The following ANK2 variants were observed in gnomAD, a reference collection of about 807,000 sequenced individuals.
ANK2 encodes the protein ankyrin 2.
ANK2 carries 83 observed loss-of-function variants against 360.5 expected under a neutral mutation model. The observed-to-expected ratio is 0.23, with a 90% CI of 0.19 to 0.28. The LOEUF (loss-of-function observed/expected upper bound fraction) is 0.28. Ranked by LOEUF, ANK2 falls within the 10% of genes least tolerant of loss-of-function variation. The pLI, the probability that ANK2 is intolerant of heterozygous loss-of-function variation, is 1.00. For synonymous variants in ANK2, 1,740 were observed against 1,759.5 expected (o/e 0.99, Z 0.28); for missense variants, 4,201 against 4,795.7 (o/e 0.88, Z 3.66).
rs139825326 is a variant in ANK2, at chr4:113,038,904, T to A, written c.21+134390T>A. 1.7e-4 allele frequency among the ~76,000 whole-genome samples: 26 copies of A among 152,160 alleles called. No homozygotes were observed. In the East Asian group the frequency reaches 5.0e-3, roughly 29 times the overall value. On this transcript the variant is annotated intron_variant, in intron 2 of 30. Coordinates refer to the ANK2 transcript ENST00000503271. Reference sequence around the variant, plus strand: ...CACAGTAGGAGTAGATCCTCCAGCCTGAGCTGCCCCAGCTGACACCACATG... The same window carrying A: ...CACAGTAGGAGTAGATCCTCCAGCCAGAGCTGCCCCAGCTGACACCACATG...
chr4:113,242,269 G>T (rs2153574571), intron 9 of ANK2, 60 bp downstream of exon 9: 1 of 1,441,664 alleles, frequency 6.9e-7, no homozygotes. Context: ...CCTCATAGAA[G>T]GCACCTCAAG....
chr4:113,111,947 G>T (rs1267692100), intron 1 of ANK2, among the ~76,000 whole-genome samples: 1 of 152,066 alleles, frequency 6.6e-6, no homozygotes, highest in African/African-American at 2.4e-5. Flanking sequence ...TGAGGACAAG[G>T]GTTTTGTCAT....
At chr4:113,145,781 T>C (rs1474497476) in intron 1 of ANK2, 24 of 1,233,986 alleles carry the variant, frequency 1.9e-5, no homozygotes, top group Admixed American at 2.7e-5. Context: ...TCTTGATGAA[T>C]TGCCCACATT....
chr4:112,841,319 G>T (rs1408849050), intron 1 of ANK2, among the ~76,000 whole-genome samples: 1 of 152,176 alleles, frequency 6.6e-6, no homozygotes, highest in Non-Finnish European at 1.5e-5. Flanking sequence ...CAGATTGGGT[G>T]TCTGAAGGCT....
At chr4:112,774,243 A>G in the ANK2 span, among the ~76,000 whole-genome samples, 3 of 149,910 alleles carry the variant, frequency 2.0e-5, no homozygotes, top group East Asian at 6.2e-4. Context: ...ATAACTAACT[A>G]CCGCTGGGCA....
the ANK2 span, among the ~76,000 whole-genome samples, chr4:112,769,777 C>T: frequency 6.6e-6 from 1 of 152,092 alleles, no homozygotes; most frequent in Non-Finnish European, 1.5e-5. Flanking sequence ...TCCAATCCAT[C>T]CTGAGATTGG....
the ANK2 span, among the ~76,000 whole-genome samples, chr4:112,739,459 C>G: frequency 2.1e-3 from 324 of 152,088 alleles, 2 homozygotes; most frequent in Non-Finnish European, 2.3e-3. Context: ...ACTAAAAATA[C>G]AAAAATTAGC....
intron 1 of ANK2, among the ~76,000 whole-genome samples, chr4:112,897,689 G>T (rs1322004359): frequency 1.3e-5 from 2 of 152,088 alleles, no homozygotes; most frequent in South Asian, 2.1e-4. Context: ...GCATCTGCTT[G>T]GTGAGTGGCT....
At chr4:112,867,904 C>T (rs1468450166) in intron 1 of ANK2, among the ~76,000 whole-genome samples, 1 of 152,060 alleles carries the variant, frequency 6.6e-6, no homozygotes, top group Non-Finnish European at 1.5e-5. Context: ...TTTCATTTCT[C>T]TTGGATGTAT....
chr4:112,825,729 A>G (rs958355923), intron 1 of ANK2, among the ~76,000 whole-genome samples: 3 of 152,254 alleles, frequency 2.0e-5, no homozygotes, highest in Non-Finnish European at 4.4e-5. Context: ...ATGAAGACCC[A>G]AAGAAACAGG....
At chr4:113,190,487 T>G (rs1399069461) in intron 2 of ANK2, among the ~76,000 whole-genome samples, 1 of 152,130 alleles carries the variant, frequency 6.6e-6, no homozygotes, top group Non-Finnish European at 1.5e-5. Flanking sequence ...TGTTTTTTTT[T>G]TTCTAATTTT....
In ANK2 at chr4:113,353,394, G is replaced by A; in HGVS notation, c.4776G>A (p.Trp1592Ter). 6.2e-7 allele frequency: 1 copy of A among 1,614,050 alleles called. No homozygotes were observed. Among genetic ancestry groups the A allele is most frequent in the East Asian group, 2.2e-5 (1 of 44,860 alleles). Residue 1592 changes from tryptophan to a stop codon, truncating the protein, a stop_gained, in exon 38 of 46, where the codon TGG becomes TGA. Coordinates refer to ENST00000357077, the MANE Select transcript of ANK2 (RefSeq NM_001148.6). LOFTEE classifies it high-confidence loss of function. ...AGAGAGGATTAGTTGAAGAGGAATG[G>A]GTTATTGTCAGTGATGAGGAAATAG... ...RSERGLVEEE[W>*]VIVSDEEIEE...
At chr4:113,267,817 T>C (rs1163704725) in intron 14 of ANK2, among the ~76,000 whole-genome samples, 1 of 152,214 alleles carries the variant, frequency 6.6e-6, no homozygotes, top group Non-Finnish European at 1.5e-5. Flanking sequence ...GGGGATAGCA[T>C]TGAATCTATA....
intron 4 of ANK2, among the ~76,000 whole-genome samples, chr4:113,207,949 C>T (rs1253435839): frequency 6.6e-6 from 1 of 152,052 alleles, no homozygotes; most frequent in African/African-American, 2.4e-5. Context: ...ATGAAGTGTG[C>T]TATGGGCAAA....
In ANK2 at chr4:113,358,830, A is replaced by G. The variant is rs1178980494; in HGVS notation, c.10212A>G (p.Pro3404=). Residue 3404 remains proline, a synonymous_variant, in exon 38 of 46, where the codon CCA becomes CCG. Coordinates refer to ENST00000357077, the MANE Select transcript of ANK2 (RefSeq NM_001148.6). ...CTTTGGATTCAAAGACCAAATGCCC[A>G]GTAAAAACCCGAAGTTACACTGAGA... is the stretch of plus-strand genomic sequence containing the variant. ...ASSLDSKTKC[P]VKTRSYTETE... is the part of the protein sequence containing the mutation. 5 of 1,614,032 alleles carry G rather than the reference A, an allele frequency of 3.1e-6. No individual in the cohort carries two copies. The highest frequency in any genetic ancestry group is 4.2e-6 in the Non-Finnish European group (5 of 1,179,982).
Position 113,383,530 on chromosome 4 carries a change from GTGT to G in ANK2, c.*2061_*2063del, listed in dbSNP as rs1184840159. ...CCTTTTTTTGATTTTGATTTTTGCT[GTGT>G]TATCAAAAACTTGAATACTGTGAGA... On this transcript the variant is annotated 3_prime_UTR_variant, in exon 46 of 46. Coordinates refer to ENST00000357077, the MANE Select transcript of ANK2 (RefSeq NM_001148.6). 2.0e-5 allele frequency: 3 copies of G among 152,640 alleles called. No individual in the cohort carries two copies. Among genetic ancestry groups the G allele is most frequent in the Admixed American group, 6.5e-5 (1 of 15,294 alleles). The allele number at this position is 152,640 out of a possible 1,614,324, so 9.5% of individuals were successfully genotyped here.
chr4:113,232,058 T>C, intron 4 of ANK2, 103 bp from the exon 5 acceptor site: 1 of 802,894 alleles, frequency 1.2e-6, no homozygotes, highest in Admixed American at 1.9e-5. Flanking sequence ...ATTTATTCAG[T>C]ATGAAAGTAT....
chr4:112,913,295 T>C (rs1041767530), intron 2 of ANK2, among the ~76,000 whole-genome samples: 3 of 152,216 alleles, frequency 2.0e-5, no homozygotes, highest in African/African-American at 7.2e-5. Flanking sequence ...TGAAGCTTAT[T>C]GTAAAGGATT....
intron 2 of ANK2, among the ~76,000 whole-genome samples, chr4:113,003,923 A>C (rs6851527): frequency 0.053 from 8,024 of 152,298 alleles, 695 homozygotes; most frequent in African/African-American, 0.18. Context: ...TACTGTAGCA[A>C]TCATAACACA....
Sources: gnomAD v4.1 joint callset for allele counts (sites outside exome capture counted in the v4.1 genomes callset) on GRCh38, gnomAD v4.1.1 for gene constraint, MANE v1.5 for transcripts, NCBI Gene and HGNC (gene_info 2026-07-23, HGNC 2026-07-21) for gene names.